Variants in NRG1 observed in about 807,000 individuals in gnomAD.
NRG1 encodes the protein neuregulin 1.
In NRG1, 18 loss-of-function variants were observed where a neutral mutation model predicts 63.8. That is an observed-to-expected ratio of 0.28 (90% confidence interval 0.19 to 0.42). The LOEUF (loss-of-function observed/expected upper bound fraction) is 0.42. Among genes scored for constraint, NRG1 ranks in the 10% least tolerant of loss-of-function variants. The probability of loss-of-function intolerance (pLI) is 1.00; values close to 1 mark genes in which losing one functional copy is unlikely to be tolerated. For synonymous variants in NRG1, 302 were observed against 301.3 expected (o/e 1.00, Z -0.02); for missense variants, 762 against 814.7 (o/e 0.94, Z 0.79).
chr8:31,831,915 G>A (rs886174318), intron 1 of NRG1, among the ~76,000 whole-genome samples: 6 of 152,050 alleles, frequency 3.9e-5, no homozygotes, highest in African/African-American at 1.4e-4. Context: ...CCCAGTGATG[G>A]AGTTTACAAA....
intron 1 of NRG1, among the ~76,000 whole-genome samples, chr8:31,921,188 G>A (rs1335460567): frequency 1.3e-5 from 2 of 151,840 alleles, no homozygotes; most frequent in African/African-American, 4.8e-5. Flanking sequence ...TTAAATATTT[G>A]GAGACATACC....
intron 1 of NRG1, among the ~76,000 whole-genome samples, chr8:32,458,452 C>T (rs1028986747): frequency 6.6e-6 from 1 of 152,120 alleles, no homozygotes; most frequent in Non-Finnish European, 1.5e-5. Flanking sequence ...AGAAATTAAC[C>T]AGAGACTTTA....
At chr8:32,041,605 G>T (rs1673633812) in intron 1 of NRG1, among the ~76,000 whole-genome samples, 1 of 152,186 alleles carries the variant, frequency 6.6e-6, no homozygotes, top group South Asian at 2.1e-4. Flanking sequence ...GACAGCAGCT[G>T]AGGGTCCCCA....
chr8:32,359,395 C>T (rs1243168139), intron 1 of NRG1, among the ~76,000 whole-genome samples: 1 of 151,908 alleles, frequency 6.6e-6, no homozygotes, highest in Non-Finnish European at 1.5e-5. Context: ...TTTTATATCC[C>T]CATGCATTGA....
At chr8:32,554,660 C>T (rs1362558883) in intron 1 of NRG1, among the ~76,000 whole-genome samples, 5 of 152,066 alleles carry the variant, frequency 3.3e-5, no homozygotes, top group Non-Finnish European at 7.4e-5. Context: ...TTGAGAATGT[C>T]GTTAACACAT....
At chr8:32,608,092 GTTTTTTTT>G (rs1226154193) in intron 3 of NRG1, among the ~76,000 whole-genome samples, 1 of 106,158 alleles carries the variant, frequency 9.4e-6, no homozygotes, top group Non-Finnish European at 2.0e-5. Context: ...GGTTTTTTTT[GTTTTTTTT>G]TTTTTTGTTT....
chr8:31,807,576 T>C (rs1214067389), intron 1 of NRG1, among the ~76,000 whole-genome samples: 1 of 152,214 alleles, frequency 6.6e-6, no homozygotes, highest in Non-Finnish European at 1.5e-5. Context: ...TTGTTTACTT[T>C]ATTTCATTGT....
chr8:32,172,780 A>C (rs1423409675), intron 1 of NRG1, among the ~76,000 whole-genome samples: 1 of 152,328 alleles, frequency 6.6e-6, no homozygotes, highest in East Asian at 1.9e-4. Context: ...CAAGAAGAGA[A>C]GTTTAGAGAA....
chr8:32,049,648 A>G (rs1009513513), intron 1 of NRG1, among the ~76,000 whole-genome samples: 1 of 152,164 alleles, frequency 6.6e-6, no homozygotes, highest in African/African-American at 2.4e-5. Flanking sequence ...GAAATACAAT[A>G]TTGTTTTCTT....
chr8:32,046,704 A>G (rs1821056058), intron 1 of NRG1, among the ~76,000 whole-genome samples: 1 of 152,004 alleles, frequency 6.6e-6, no homozygotes, highest in South Asian at 2.1e-4. Flanking sequence ...TACCTACCAT[A>G]TCATATAGAA....
chr8:31,647,750 T>C (rs562221526), intron 1 of NRG1, among the ~76,000 whole-genome samples: 1 of 152,294 alleles, frequency 6.6e-6, no homozygotes, highest in African/African-American at 2.4e-5. Context: ...CTCCGGACAA[T>C]CCTTTCCTCT....
chr8:32,203,007 T>C (rs894029392), intron 1 of NRG1, among the ~76,000 whole-genome samples: 6 of 151,776 alleles, frequency 4.0e-5, no homozygotes, highest in African/African-American at 7.3e-5. Flanking sequence ...AGGAAGACCA[T>C]TGATGTGTTT....
intron 1 of NRG1, among the ~76,000 whole-genome samples, chr8:31,841,237 G>C (rs997346659): frequency 6.6e-6 from 1 of 152,042 alleles, no homozygotes; most frequent in African/African-American, 2.4e-5. Flanking sequence ...AGGTAGGAAT[G>C]GGGGGTGGGT....
intron 1 of NRG1, among the ~76,000 whole-genome samples, chr8:32,264,840 C>A (rs962640952): frequency 6.6e-6 from 1 of 151,136 alleles, no homozygotes. Context: ...CTGAAAGATA[C>A]GGTTTGGAAA....
chr8:32,686,690 A>G (rs973355308), intron 5 of NRG1, among the ~76,000 whole-genome samples: 7 of 152,226 alleles, frequency 4.6e-5, no homozygotes, highest in African/African-American at 1.7e-4. Flanking sequence ...TCTATAAGGC[A>G]AATGACAAGG....
chr8:32,055,783 G>T (rs753461543), intron 1 of NRG1, among the ~76,000 whole-genome samples: 3 of 151,608 alleles, frequency 2.0e-5, no homozygotes, highest in Non-Finnish European at 1.5e-5. Context: ...AGACTTGAAC[G>T]GGGACTGGCT....
At chr8:32,323,987 C>T (rs1239692092) in intron 1 of NRG1, among the ~76,000 whole-genome samples, 4 of 152,074 alleles carry the variant, frequency 2.6e-5, no homozygotes, top group South Asian at 4.1e-4. Context: ...TCACAACAAT[C>T]GTGTCAGGAG....
chr8:32,725,909 C>T (rs1822053565), intron 5 of NRG1, among the ~76,000 whole-genome samples: 2 of 152,036 alleles, frequency 1.3e-5, no homozygotes, highest in South Asian at 4.2e-4. Context: ...GTTGTATACT[C>T]CATGATTTTA....
chr8:31,809,361 T>C (rs190046946), intron 1 of NRG1, among the ~76,000 whole-genome samples: 333 of 131,784 alleles, frequency 2.5e-3, no homozygotes, highest in Non-Finnish European at 3.6e-3. Context: ...CACACACACA[T>C]ATATATACAC....
Sources: gnomAD v4.1 joint callset for allele counts (sites outside exome capture counted in the v4.1 genomes callset) on GRCh38, gnomAD v4.1.1 for gene constraint, MANE v1.5 for transcripts, NCBI Gene and HGNC (gene_info 2026-07-23, HGNC 2026-07-21) for gene names.